ACTG2: variants seen among roughly 807,000 people sequenced by gnomAD.
ACTG2 encodes actin, gamma-enteric smooth muscle.
Under a neutral mutation model 37.6 loss-of-function variants are expected in ACTG2, and 16 were observed. The ratio of observed to expected loss-of-function variants is 0.43; its 90% confidence interval spans 0.29 to 0.65. The LOEUF (loss-of-function observed/expected upper bound fraction) is 0.65, where lower values mean the gene tolerates loss of function less well. ACTG2 is among the 30% of genes least tolerant of loss of function. ACTG2 has a pLI of 0.18. For synonymous variants in ACTG2, 181 were observed against 179.9 expected, an observed-to-expected ratio of 1.01 and a Z score of -0.05; for missense variants, 238 against 490.9, an observed-to-expected ratio of 0.48 and a Z score of 4.87.
At chr2:73,912,561 GT>G (rs1340457537) in intron 5 of ACTG2, among the ~76,000 whole-genome samples, 4 of 152,092 alleles carry the variant, frequency 2.6e-5, no homozygotes, top group Non-Finnish European at 4.4e-5. Context: ...GGAGCTTTAG[GT>G]TGCCTCTCAT....
rs774409368 is a variant in ACTG2, at chr2:73,901,434, C to T, written c.123C>T (p.His41=). 6.2e-7 allele frequency: 1 copy of T among 1,613,964 alleles called. No individual in the cohort carries two copies. ...CCTCCATTGTGGGCCGCCCTCGCCA[C>T]CAGGTGCGTGCTCATCTGGATACCA... ...VFPSIVGRPR[H]QGVMVGMGQK... Residue 41 remains histidine, a synonymous_variant, in exon 2 of 9, where the codon CAC becomes CAT. Transcript: ENST00000345517.
At chr2:73,895,562 C>T (rs1679728755) in intron 1 of ACTG2, among the ~76,000 whole-genome samples, 1 of 152,186 alleles carries the variant, frequency 6.6e-6, no homozygotes, top group Non-Finnish European at 1.5e-5. Context: ...GAAGCTCTCA[C>T]CCAAAAACCT....
intron 3 of ACTG2, 188 bp from the exon 4 acceptor site, chr2:73,908,485 G>A: frequency 4.7e-6 from 3 of 643,188 alleles, no homozygotes; most frequent in Admixed American, 4.5e-5. Context: ...AGTCCTACCT[G>A]GGGCCCTGTT....
intron 3 of ACTG2, among the ~76,000 whole-genome samples, chr2:73,903,939 C>CAAAAAAAAA (rs61362643): frequency 2.2e-5 from 2 of 90,022 alleles, no homozygotes; most frequent in Non-Finnish European, 4.1e-5. Flanking sequence ...GACTCCGTCT[C>CAAAAAAAAA]AAAAAAAAAA....
At chr2:73,904,001 G>A (rs1460458638) in intron 3 of ACTG2, among the ~76,000 whole-genome samples, 1 of 148,196 alleles carries the variant, frequency 6.7e-6, no homozygotes, top group Non-Finnish European at 1.5e-5. Flanking sequence ...GCTCATGCCT[G>A]TAATCCCAAC....
At position 73,901,380 on chromosome 2, in the gene ACTG2, A is replaced by G. The variant is rs946019028; in HGVS notation, c.69A>G (p.Ala23=). ...CTGGCCTGTGCAAGGCAGGCTTCGC[A>G]GGAGATGATGCCCCCCGGGCTGTCT... ...NGSGLCKAGF[A]GDDAPRAVFP... The change falls in exon 2 of 9, where the codon GCA becomes GCG. Residue 23 remains alanine, a synonymous_variant. Transcript: ENST00000345517. 6.2e-7 allele frequency: 1 copy of G among 1,614,204 alleles called. No individual in the cohort carries two copies.
chr2:73,912,938 C>T (rs527393941), intron 5 of ACTG2, among the ~76,000 whole-genome samples: 1 of 152,114 alleles, frequency 6.6e-6, no homozygotes, highest in Non-Finnish European at 1.5e-5. Flanking sequence ...GAGGCCGAGG[C>T]AGGTGAATTG....
intron 1 of ACTG2, among the ~76,000 whole-genome samples, chr2:73,896,551 A>G (rs943310713): frequency 2.0e-5 from 3 of 152,072 alleles, no homozygotes; most frequent in African/African-American, 7.2e-5. Context: ...GGAAAGGGGA[A>G]CCAGGAGGGA....
intron 5 of ACTG2, among the ~76,000 whole-genome samples, chr2:73,911,629 C>T (rs1293921692): frequency 6.6e-6 from 1 of 151,842 alleles, no homozygotes; most frequent in Non-Finnish European, 1.5e-5. Flanking sequence ...GGTTTGTTTA[C>T]ACCAGCATCA....
chr2:73,896,024 G>A (rs770061642), intron 1 of ACTG2, among the ~76,000 whole-genome samples: 1 of 152,052 alleles, frequency 6.6e-6, no homozygotes, highest in African/African-American at 2.4e-5. Context: ...TTCTTCTTTT[G>A]CTTTTTTCTC....
chr2:73,916,705 C>G lies in ACTG2; in HGVS notation c.927C>G (p.Gly309=), dbSNP rs550983677. ...CTGGGGGCACCACCATGTACCCTGG[C>G]ATTGCTGACAGGATGCAGAAGGAGA... ...VLSGGTTMYP[G]IADRMQKEIT... is the part of the protein sequence containing the mutation. The change falls in exon 8 of 9, where the codon GGC becomes GGG. Residue 309 remains glycine, a synonymous_variant. Coordinates refer to ENST00000345517, the MANE Select transcript of ACTG2 (RefSeq NM_001615.4). 13 of 1,614,154 alleles carry G rather than the reference C, an allele frequency of 8.1e-6. No homozygotes were observed. The South Asian group carries it at 9.9e-5, about 12-fold the overall frequency.
intron 1 of ACTG2, among the ~76,000 whole-genome samples, chr2:73,898,053 G>A (rs879932331): frequency 4.6e-5 from 7 of 152,170 alleles, no homozygotes; most frequent in Admixed American, 1.3e-4. Context: ...AAATCTAGGC[G>A]TGGCCCTGGC....
At chr2:73,903,938 T>A (rs1370283296) in intron 3 of ACTG2, among the ~76,000 whole-genome samples, 9 of 41,900 alleles carry the variant, frequency 2.1e-4, no homozygotes, top group African/African-American at 4.3e-4. Context: ...AGACTCCGTC[T>A]CAAAAAAAAA....
chr2:73,913,393 T>C (rs1680185017), intron 5 of ACTG2, 92 bp from the exon 6 acceptor site: 1 of 1,158,330 alleles, frequency 8.6e-7, no homozygotes. Flanking sequence ...AAGGAAAATA[T>C]GGTAGTCAGA....
chr2:73,894,906 G>A (rs2104798127), intron 1 of ACTG2, among the ~76,000 whole-genome samples: 1 of 152,310 alleles, frequency 6.6e-6, no homozygotes, highest in African/African-American at 2.4e-5. Context: ...CCATGGAAGG[G>A]TTTTAATCTG....
chr2:73,916,738 C>T lies in ACTG2; in HGVS notation c.960C>T (p.Ala320=), dbSNP rs1443940091. 2 of 1,613,996 alleles carry T rather than the reference C, an allele frequency of 1.2e-6. No individual in the cohort carries two copies. Among genetic ancestry groups the T allele is most frequent in the Non-Finnish European group, 1.7e-6 (2 of 1,179,958 alleles). ...IADRMQKEIT[A]LAPSTMKIKI... is the part of the protein sequence containing the mutation. ...ACAGGATGCAGAAGGAGATCACAGC[C>T]CTGGCCCCCAGCACCATGAAGATCA... is the stretch of plus-strand genomic sequence containing the variant. The change falls in exon 8 of 9, where the codon GCC becomes GCT. Residue 320 remains alanine (A), a synonymous_variant. Coordinates refer to ENST00000345517, the MANE Select transcript of ACTG2 (RefSeq NM_001615.4).
At chr2:73,894,843 C>T (rs1363029056) in intron 1 of ACTG2, among the ~76,000 whole-genome samples, 6 of 152,150 alleles carry the variant, frequency 3.9e-5, no homozygotes, top group South Asian at 4.2e-4. Context: ...CAGAGGGGTC[C>T]GCAGGGCTGG....
chr2:73,903,296 G>A (rs1679930737), intron 3 of ACTG2: 1 of 153,646 alleles, frequency 6.5e-6, no homozygotes, highest in Non-Finnish European at 1.4e-5. Flanking sequence ...AACTGGAAAT[G>A]AGGAATGTTG....
At chr2:73,908,862 C>A in intron 4 of ACTG2, 79 bp downstream of exon 4, 2 of 1,352,316 alleles carry the variant, frequency 1.5e-6, no homozygotes, top group Non-Finnish European at 2.1e-6. Context: ...CCCCTTCAAA[C>A]ATCAGTGCAA....
Sources: gnomAD v4.1 joint callset for allele counts (sites outside exome capture counted in the v4.1 genomes callset) on GRCh38, gnomAD v4.1.1 for gene constraint, MANE v1.5 for transcripts, NCBI Gene and HGNC (gene_info 2026-07-23, HGNC 2026-07-21) for gene names.